The following SLIT2 variants were observed in gnomAD, a reference collection of about 807,000 sequenced individuals.
SLIT2 encodes slit homolog 2 protein.
SLIT2 carries 41 observed loss-of-function variants against 185.7 expected under a neutral mutation model. The ratio of observed to expected loss-of-function variants is 0.22; its 90% CI spans 0.17 to 0.29. The LOEUF is 0.29. Ranked by LOEUF, SLIT2 falls within the 10% of genes least tolerant of loss-of-function variation. The probability of loss-of-function intolerance (pLI) is 1.00; values close to 1 mark genes in which losing one functional copy is unlikely to be tolerated. For missense variants in SLIT2, 1,571 were observed against 1,909.0 expected (o/e 0.82, Z 3.30); for synonymous variants, 693 against 680.2 (o/e 1.02, Z -0.29).
At chr4:20,565,560 G>A (rs1399810751) in intron 26 of SLIT2, among the ~76,000 whole-genome samples, 13 of 151,838 alleles carry the variant, frequency 8.6e-5, no homozygotes, top group African/African-American at 2.4e-4. Context: ...TGGGGAGGGC[G>A]GAGAGAAATT....
At chr4:20,502,220 T>A (rs1271826679) in intron 9 of SLIT2, among the ~76,000 whole-genome samples, 4 of 152,074 alleles carry the variant, frequency 2.6e-5, no homozygotes, top group Admixed American at 1.3e-4. Flanking sequence ...ATAAATAAAT[T>A]GGAGAAAAAG....
At position 20,567,548 on chromosome 4, in the gene SLIT2, T is replaced by C. The variant is rs758813666; in HGVS notation, c.2881T>C (p.Cys961Arg). 1 of 1,613,378 alleles carries C rather than the reference T, an allele frequency of 6.2e-7. No homozygotes were observed. Among genetic ancestry groups the C allele is most frequent in the Non-Finnish European group, 8.5e-7 (1 of 1,179,500 alleles). Residue 961 changes from cysteine to arginine, a missense_variant, in exon 28 of 37, where the codon TGC (cysteine) becomes CGC (arginine). Physicochemically the swap from Cys to Arg is radical, Grantham distance 180. Coordinates refer to ENST00000504154, the MANE Select transcript of SLIT2 (RefSeq NM_004787.4). ...GGACTGTGATGTCCCAATTCATGCC[T>C]GCATCAGTAACCCATGTAAACATGG... ...GQDCDVPIHA[C>R]ISNPCKHGGT...
chr4:20,559,709 T>G (rs1251766060), intron 26 of SLIT2, among the ~76,000 whole-genome samples: 1 of 151,998 alleles, frequency 6.6e-6, no homozygotes, highest in African/African-American at 2.4e-5. Flanking sequence ...AAATATTGTA[T>G]TTTAGAGTTA....
intron 4 of SLIT2, among the ~76,000 whole-genome samples, chr4:20,368,403 C>A (rs530713743): frequency 3.3e-5 from 5 of 151,350 alleles, no homozygotes; most frequent in Admixed American, 6.6e-5. Flanking sequence ...TCTCAGTAGC[C>A]CTCTGGAAAG....
At chr4:20,445,921 A>G (rs916818797) in intron 4 of SLIT2, among the ~76,000 whole-genome samples, 6 of 152,196 alleles carry the variant, frequency 3.9e-5, no homozygotes, top group Admixed American at 1.3e-4. Context: ...CCTGGCCCAC[A>G]GTGGATGCAT....
chr4:20,559,536 G>C lies in SLIT2; in HGVS notation c.2725+5568G>C, dbSNP rs182436598. 2.0e-5 allele frequency among the ~76,000 whole-genome samples: 3 copies of C among 152,036 alleles called. No individual in the cohort carries two copies. The East Asian group carries it at 5.8e-4, about 29-fold the overall frequency. On this transcript the variant is annotated intron_variant, in intron 26 of 36. Transcript: ENST00000504154. ...TCAAGGTTTATGACAGTTTAGACTG[G>C]ATAGTTGCCAATACTACTACCACTA...
chr4:20,333,304 A>G (rs1008866820), intron 4 of SLIT2, among the ~76,000 whole-genome samples: 26 of 152,156 alleles, frequency 1.7e-4, no homozygotes, highest in African/African-American at 5.8e-4. Context: ...TCATCAACAC[A>G]CTGTATTTTT....
At chr4:20,569,620 C>T (rs1725397510) in intron 29 of SLIT2, among the ~76,000 whole-genome samples, 1 of 152,014 alleles carries the variant, frequency 6.6e-6, no homozygotes, top group Non-Finnish European at 1.5e-5. Flanking sequence ...AAGTTTATGA[C>T]TTGTCTGTTT....
rs1486094326 is a variant in SLIT2 at position 20,387,604 on chromosome 4, C to T, written c.396-80148C>T. ...AAGTGCCATGGGAAAATACTAGGTACAGCAGCAAAAGAGGCCAAAGAGCTG... is the reference window on the plus strand; with the variant it reads ...AAGTGCCATGGGAAAATACTAGGTATAGCAGCAAAAGAGGCCAAAGAGCTG... On this transcript the variant is annotated intron_variant, in intron 4 of 36. Coordinates refer to ENST00000504154, the MANE Select transcript of SLIT2 (RefSeq NM_004787.4). Among the ~76,000 whole-genome samples the T allele has an allele frequency of 2.6e-5, 4 of 152,174 alleles. No homozygotes were observed. The East Asian group carries it at 7.7e-4, about 29-fold the overall frequency.
At chr4:20,481,252 T>C (rs983433800) in intron 6 of SLIT2, among the ~76,000 whole-genome samples, 3 of 152,150 alleles carry the variant, frequency 2.0e-5, no homozygotes, top group Non-Finnish European at 2.9e-5. Flanking sequence ...CTAAGGTTAA[T>C]AAGCCACCCA....
Position 20,389,204 on chromosome 4 carries a change from C to T in SLIT2, c.396-78548C>T, listed in dbSNP as rs575276121. On this transcript the variant is annotated intron_variant, in intron 4 of 36. Coordinates refer to ENST00000504154, the MANE Select transcript of SLIT2 (RefSeq NM_004787.4). ...ATTGCCATTAGAGATATTATCATCA[C>T]TAATATGTTATTGTAATTATTATAG... Among the ~76,000 whole-genome samples the T allele has an allele frequency of 5.6e-4, 85 of 151,386 alleles. No individual in the cohort carries two copies. The South Asian group carries it at 0.014, about 26-fold the overall frequency.
chr4:20,570,731 G>A (rs5856571), intron 29 of SLIT2, among the ~76,000 whole-genome samples: 174 of 125,526 alleles, frequency 1.4e-3, no homozygotes, highest in Middle Eastern at 4.2e-3. Context: ...ATATATATAT[G>A]TATATATATA....
In SLIT2 at chr4:20,618,976, G is replaced by A; in HGVS notation, c.4557G>A (p.Val1519=). Residue 1519 remains valine (V), a synonymous_variant, in exon 37 of 37, where the codon GTG becomes GTA. Coordinates refer to ENST00000504154, the MANE Select transcript of SLIT2 (RefSeq NM_004787.4). ...GSSFVDEVEK[V]VKCGCTRCVS is the part of the protein sequence containing the mutation. ...CCTTTGTGGACGAGGTTGAGAAAGT[G>A]GTGAAGTGCGGCTGTACGAGGTGTG... The A allele has an allele frequency of 6.2e-7, 1 of 1,614,068 alleles. No homozygotes were observed. Among genetic ancestry groups the A allele is most frequent in the Non-Finnish European group, 8.5e-7 (1 of 1,179,958 alleles).
intron 4 of SLIT2, among the ~76,000 whole-genome samples, chr4:20,349,223 G>A (rs941906454): frequency 2.0e-5 from 3 of 152,316 alleles, no homozygotes; most frequent in Admixed American, 2.0e-4. Flanking sequence ...TTATTCGGCA[G>A]TTAGTTCCAA....
rs554418168 is a variant in SLIT2 at position 20,397,559 on chromosome 4, C to A, written c.396-70193C>A. 2.0e-5 allele frequency among the ~76,000 whole-genome samples: 3 copies of A among 151,912 alleles called. No homozygotes were observed. The South Asian group carries it at 6.2e-4, about 31-fold the overall frequency. ...AAACCACACACATCTTCCTTTTCTT[C>A]TACAATTTTGCAAGGCAGTTATAAA... On this transcript the variant is annotated intron_variant, in intron 4 of 36. Coordinates refer to ENST00000504154, the MANE Select transcript of SLIT2 (RefSeq NM_004787.4).
At chr4:20,283,557 C>T (rs1484766997) in intron 4 of SLIT2, among the ~76,000 whole-genome samples, 1 of 152,062 alleles carries the variant, frequency 6.6e-6, no homozygotes, top group African/African-American at 2.4e-5. Context: ...TAAAAATACA[C>T]CTGAATGATG....
intron 5 of SLIT2, among the ~76,000 whole-genome samples, chr4:20,478,498 A>G (rs1191115693): frequency 6.6e-6 from 1 of 152,200 alleles, no homozygotes; most frequent in East Asian, 1.9e-4. Context: ...TCCTTGTAGG[A>G]CAAGGTTTGC....
intron 4 of SLIT2, among the ~76,000 whole-genome samples, chr4:20,280,967 G>A (rs1005872313): frequency 6.6e-6 from 1 of 151,842 alleles, no homozygotes; most frequent in Non-Finnish European, 1.5e-5. Flanking sequence ...TGAGTAGTTG[G>A]GATTACAGGC....
chr4:20,379,748 A>C (rs1221752731), intron 4 of SLIT2, among the ~76,000 whole-genome samples: 1 of 152,198 alleles, frequency 6.6e-6, no homozygotes, highest in African/African-American at 2.4e-5. Flanking sequence ...AATAATAAGC[A>C]GGACAGGAGA....
Sources: gnomAD v4.1 joint callset for allele counts (sites outside exome capture counted in the v4.1 genomes callset) on GRCh38, gnomAD v4.1.1 for gene constraint, MANE v1.5 for transcripts, NCBI Gene and HGNC (gene_info 2026-07-23, HGNC 2026-07-21) for gene names.